Variants in ST3GAL6 observed in about 807,000 individuals in gnomAD.
ST3GAL6 encodes the protein ST3 beta-galactoside alpha-2,3-sialyltransferase 6.
ST3GAL6 carries 31 observed loss-of-function variants against 40.5 expected under a neutral mutation model. That is an observed-to-expected ratio of 0.77 (90% CI 0.58 to 1.03). ST3GAL6 has a LOEUF of 1.03. ST3GAL6 is among the 50% of genes least tolerant of loss of function. The pLI is 0.00. For synonymous variants in ST3GAL6, 129 were observed against 136.9 expected, an observed-to-expected ratio of 0.94 and a Z score of 0.40; for missense variants, 357 against 393.2, an observed-to-expected ratio of 0.91 and a Z score of 0.78.
intron 8 of ST3GAL6, among the ~76,000 whole-genome samples, chr3:98,790,001 C>G (rs1012142330): frequency 6.6e-6 from 1 of 151,986 alleles, no homozygotes; most frequent in African/African-American, 2.4e-5. Context: ...GTTTTAGAAA[C>G]GTGGAGGTCA....
intron 1 of ST3GAL6, among the ~76,000 whole-genome samples, chr3:98,753,705 C>T (rs953895272): frequency 6.6e-6 from 1 of 152,232 alleles, no homozygotes; most frequent in Admixed American, 6.5e-5. Context: ...TAGCTTACGC[C>T]TGTAATCCCA....
intron 8 of ST3GAL6, among the ~76,000 whole-genome samples, chr3:98,790,753 G>A (rs548793851): frequency 3.3e-5 from 5 of 152,068 alleles, no homozygotes; most frequent in Admixed American, 6.6e-5. Context: ...GGCTGCAGAA[G>A]AGCTGGTCTA....
chr3:98,746,894 C>A (rs1478180822), intron 1 of ST3GAL6, among the ~76,000 whole-genome samples: 1 of 152,122 alleles, frequency 6.6e-6, no homozygotes, highest in African/African-American at 2.4e-5. Flanking sequence ...GTTACAATGT[C>A]TTTGAGGTAA....
At chr3:98,753,793 A>G (rs971278018) in intron 1 of ST3GAL6, among the ~76,000 whole-genome samples, 1 of 152,252 alleles carries the variant, frequency 6.6e-6, no homozygotes, top group African/African-American at 2.4e-5. Context: ...GGGAGAACCC[A>G]TCTATTAAAA....
At chr3:98,743,943 A>C (rs2107298798) in intron 1 of ST3GAL6, among the ~76,000 whole-genome samples, 1 of 125,140 alleles carries the variant, frequency 8.0e-6, no homozygotes, top group African/African-American at 3.1e-5. Context: ...CCTAATCCCC[A>C]GTACCTCAGA....
At position 98,794,015 on chromosome 3, in the gene ST3GAL6, T is replaced by C. The variant is rs1941416561; in HGVS notation, c.*254T>C. On this transcript the variant is annotated 3_prime_UTR_variant, in exon 10 of 10. Transcript: ENST00000483910. ...AAATAAGCTAGTTTTCTGAGGTGTT[T>C]TCACACGTCTTTTTATAGTTACTTC... 3.7e-6 allele frequency: 1 copy of C among 268,072 alleles called. No homozygotes were observed. The allele number at this position is 268,072 out of a possible 1,614,324, so 16.6% of individuals were successfully genotyped here.
intron 9 of ST3GAL6, 86 bp downstream of exon 9, chr3:98,792,079 C>T (rs1941256886): frequency 1.5e-6 from 2 of 1,311,904 alleles, no homozygotes; most frequent in Non-Finnish European, 2.0e-6. Context: ...TTCTCACACT[C>T]ATTTTACTGA....
intron 1 of ST3GAL6, among the ~76,000 whole-genome samples, chr3:98,736,321 T>G (rs79681045): frequency 0.026 from 4,007 of 152,380 alleles, 178 homozygotes; most frequent in African/African-American, 0.09. Flanking sequence ...ATAGCATCAT[T>G]GCATACTTTG....
intron 1 of ST3GAL6, chr3:98,732,931 G>C (rs1325239221): frequency 6.6e-7 from 1 of 1,509,560 alleles, no homozygotes; most frequent in South Asian, 1.2e-5. Context: ...TCGGAGCCCG[G>C]TGCGCCTCTG....
chr3:98,744,363 C>G (rs1335996047), intron 1 of ST3GAL6, among the ~76,000 whole-genome samples: 1 of 152,168 alleles, frequency 6.6e-6, no homozygotes, highest in Non-Finnish European at 1.5e-5. Context: ...TTCTCTGCAT[C>G]CCCTGAGTAC....
chr3:98,743,178 T>TTG (rs561008776), intron 1 of ST3GAL6, among the ~76,000 whole-genome samples: 46 of 151,350 alleles, frequency 3.0e-4, no homozygotes, highest in East Asian at 1.2e-3. Flanking sequence ...TGGCTCATTT[T>TTG]TGTGTGTGTG....
chr3:98,752,496 G>T (rs1463836131), intron 1 of ST3GAL6, among the ~76,000 whole-genome samples: 4 of 150,656 alleles, frequency 2.7e-5, no homozygotes, highest in African/African-American at 9.8e-5. Flanking sequence ...TTTTGAGACG[G>T]AGTCTTGCTG....
chr3:98,779,560 C>A lies in ST3GAL6; in HGVS notation c.336-5385C>A, dbSNP rs564931527. 3.7e-4 allele frequency among the ~76,000 whole-genome samples: 56 copies of A among 152,276 alleles called. 1 individual carries two copies. In the South Asian group the frequency reaches 8.3e-3, roughly 23 times the overall value. On this transcript the variant is annotated intron_variant, in intron 5 of 9. Coordinates refer to ENST00000483910, the MANE Select transcript of ST3GAL6 (RefSeq NM_001323368.2). ...CATAGATCATTTGAAATGGGCAACT[C>A]AAGTTTGCTTGCTCTATATTGATTG...
At chr3:98,745,322 C>T (rs576938242) in intron 1 of ST3GAL6, among the ~76,000 whole-genome samples, 96 of 152,328 alleles carry the variant, frequency 6.3e-4, no homozygotes, top group African/African-American at 2.2e-3. Context: ...GCGTGAGCCA[C>T]TGCGCCTGTG....
intron 1 of ST3GAL6, among the ~76,000 whole-genome samples, chr3:98,753,318 C>A (rs952962589): frequency 1.3e-5 from 2 of 152,200 alleles, no homozygotes; most frequent in African/African-American, 4.8e-5. Flanking sequence ...CTAAGGGAAC[C>A]TGCAGAAGAA....
chr3:98,770,422 G>C (rs1938849113), intron 2 of ST3GAL6: 1 of 162,582 alleles, frequency 6.2e-6, no homozygotes, highest in Non-Finnish European at 1.3e-5. Context: ...CAAGGCAAGG[G>C]TCTATGGAAC....
At chr3:98,776,894 A>G (rs1258338843) in intron 5 of ST3GAL6, among the ~76,000 whole-genome samples, 1 of 152,180 alleles carries the variant, frequency 6.6e-6, no homozygotes, top group Non-Finnish European at 1.5e-5. Context: ...CTCAGTTGGG[A>G]TAGATTCCAC....
intron 1 of ST3GAL6, among the ~76,000 whole-genome samples, chr3:98,752,619 C>T (rs1937093381): frequency 6.6e-6 from 1 of 152,010 alleles, no homozygotes; most frequent in African/African-American, 2.4e-5. Flanking sequence ...CTACAGGCAC[C>T]CGCCACCATG....
At chr3:98,775,198 C>T (rs771155328) in intron 5 of ST3GAL6, among the ~76,000 whole-genome samples, 3 of 152,008 alleles carry the variant, frequency 2.0e-5, no homozygotes, top group Non-Finnish European at 2.9e-5. Flanking sequence ...TAAAGGTGGC[C>T]GGGTGCTGTG....
Sources: gnomAD v4.1 joint callset for allele counts (sites outside exome capture counted in the v4.1 genomes callset) on GRCh38, gnomAD v4.1.1 for gene constraint, MANE v1.5 for transcripts, NCBI Gene and HGNC (gene_info 2026-07-23, HGNC 2026-07-21) for gene names.